Variants in WDR47 observed in about 807,000 individuals in gnomAD.
WDR47 encodes the protein WD repeat domain 47, also known as WD repeat-containing protein 47.
In WDR47, 32 loss-of-function variants were observed where a neutral mutation model predicts 97.2. The ratio of observed to expected loss-of-function variants is 0.33; its 90% CI spans 0.25 to 0.44. The LOEUF (loss-of-function observed/expected upper bound fraction) is 0.44. WDR47 is among the 20% of genes least tolerant of loss of function. WDR47 has a pLI of 1.00. For missense variants in WDR47, 782 were observed against 1,102.3 expected, an observed-to-expected ratio of 0.71 and a Z score of 4.11; for synonymous variants, 375 against 373.5, an observed-to-expected ratio of 1.00 and a Z score of -0.05.
At chr1:109,029,489 G>A (rs1338184763) in intron 1 of WDR47, among the ~76,000 whole-genome samples, 1 of 151,896 alleles carries the variant, frequency 6.6e-6, no homozygotes, top group East Asian at 1.9e-4. Context: ...ATAAAACCCT[G>A]TCTCTACTGA....
At chr1:109,041,379 C>G (rs1259422442) in intron 1 of WDR47, 1 of 152,306 alleles carries the variant, frequency 6.6e-6, no homozygotes, top group Non-Finnish European at 1.5e-5. Flanking sequence ...CCCAGCGGGG[C>G]TCCCAGCCCC....
At chr1:109,022,514 T>G (rs1429638286) in intron 2 of WDR47, among the ~76,000 whole-genome samples, 11 of 152,214 alleles carry the variant, frequency 7.2e-5, no homozygotes, top group Admixed American at 1.3e-4. Context: ...CTCTTGTTCT[T>G]TTTAACAGAC....
At position 108,995,691 on chromosome 1, in the gene WDR47, G is replaced by A. The variant is rs773189392; in HGVS notation, c.1580C>T (p.Ser527Phe). The A allele has an allele frequency of 5.6e-6, 9 of 1,614,006 alleles. No homozygotes were observed. The Admixed American group carries it at 6.7e-5, about 12-fold the overall frequency. Residue 527 changes from serine to phenylalanine, a missense_variant, in exon 8 of 15, where the codon TCT (serine) becomes TTT (phenylalanine). Ser to Phe is a radical substitution (Grantham distance 155). Coordinates refer to ENST00000369962, the MANE Select transcript of WDR47 (RefSeq NM_001142551.2). ...AGCATCATGTGTTAATCTCTGACTA[G>A]AGTCTTGGGGTGGTGTAGTAAAACT... The part of the protein sequence containing the change: ...VTSFTTPPQD[S>F]SQRLTHDASN...
chr1:109,026,357 T>A (rs906224576), intron 1 of WDR47, among the ~76,000 whole-genome samples: 17 of 152,036 alleles, frequency 1.1e-4, no homozygotes, highest in African/African-American at 3.4e-4. Flanking sequence ...ACCTTTTTTT[T>A]TTTTTCAGGT....
At chr1:108,977,896 A>T (rs1333719372) in intron 13 of WDR47, among the ~76,000 whole-genome samples, 1 of 151,928 alleles carries the variant, frequency 6.6e-6, no homozygotes, top group Non-Finnish European at 1.5e-5. Flanking sequence ...AGGCAGGAGA[A>T]TCACTTGAAC....
intron 9 of WDR47, among the ~76,000 whole-genome samples, chr1:108,990,954 G>A (rs556253666): frequency 1.3e-5 from 2 of 151,480 alleles, no homozygotes; most frequent in South Asian, 2.1e-4. Flanking sequence ...CTTGAGCCTC[G>A]AGATAAATAC....
At chr1:108,992,457 C>T (rs1244739007) in intron 8 of WDR47, 10 of 1,588,886 alleles carry the variant, frequency 6.3e-6, no homozygotes, top group African/African-American at 5.4e-5. Flanking sequence ...CAGTGTGTAC[C>T]ATTCCGACGT....
rs758134437 is a variant in WDR47 at position 108,974,692 on chromosome 1, C to T, written c.2461G>A (p.Asp821Asn). 6.2e-7 allele frequency: 1 copy of T among 1,613,962 alleles called. No homozygotes were observed. The highest frequency in any genetic ancestry group is 8.5e-7 in the Non-Finnish European group (1 of 1,179,998). The change falls in exon 14 of 15, where the codon GAT becomes AAT. Residue 821 changes from aspartate to asparagine, a missense_variant. Coordinates refer to ENST00000369962, the MANE Select transcript of WDR47 (RefSeq NM_001142551.2). Reference sequence around the variant, plus strand: ...ATGTCATACAACATGCAGCTAGAATCTTCTTGACCTGTGGCTAAGAGACGA... The same window carrying T: ...ATGTCATACAACATGCAGCTAGAATTTTCTTGACCTGTGGCTAAGAGACGA... ...SGRLLATGQE[D>N]SSCMLYDIRG...
chr1:108,980,439 C>G (rs1000943871), intron 13 of WDR47, among the ~76,000 whole-genome samples: 4 of 152,048 alleles, frequency 2.6e-5, no homozygotes, highest in Admixed American at 2.6e-4. Context: ...CTATTAAAAA[C>G]TACAAAGGAC....
In WDR47 at chr1:109,004,618, C is replaced by T; in HGVS notation, c.1228G>A (p.Gly410Arg). The T allele has an allele frequency of 6.2e-7, 1 of 1,613,238 alleles. No homozygotes were observed. The highest frequency in any genetic ancestry group is 8.5e-7 in the Non-Finnish European group (1 of 1,179,652). Residue 410 changes from glycine to arginine, a missense_variant, in exon 6 of 15, where the codon GGA becomes AGA. Gly to Arg is a moderately radical substitution (Grantham distance 125, BLOSUM62 -2). Around this residue, in one of 3 missense-constraint regions of WDR47, gnomAD observed 428 missense variants for 584.3 expected, o/e 0.73. Transcript: ENST00000369962. ...KEPANGAQNP[G>R]PAKQEKNELR... ...TCATTTTTTTCTTGTTTAGCTGGTCCTGGATTCTGTGCTCCATTTGCAGGC... is the reference window on the plus strand; with the variant it reads ...TCATTTTTTTCTTGTTTAGCTGGTCTTGGATTCTGTGCTCCATTTGCAGGC...
At chr1:109,018,340 T>C (rs898252431) in intron 2 of WDR47, among the ~76,000 whole-genome samples, 25 of 149,818 alleles carry the variant, frequency 1.7e-4, no homozygotes, top group Non-Finnish European at 2.4e-4. Flanking sequence ...TCCCAGCTAC[T>C]GGCAGGAGAA....
chr1:109,008,630 C>T (rs138108042), intron 5 of WDR47, among the ~76,000 whole-genome samples: 10,266 of 150,660 alleles, frequency 0.068, 472 homozygotes, highest in Middle Eastern at 0.14. Context: ...TTTTTTGAGA[C>T]GGAATCTCAC....
intron 5 of WDR47, among the ~76,000 whole-genome samples, chr1:109,008,663 A>G (rs1201692102): frequency 6.6e-6 from 1 of 152,024 alleles, no homozygotes; most frequent in African/African-American, 2.4e-5. Flanking sequence ...GCTGGAGTGC[A>G]GTGGTGCGAT....
chr1:108,981,438 A>G (rs1571143698), intron 13 of WDR47, among the ~76,000 whole-genome samples: 1 of 152,156 alleles, frequency 6.6e-6, no homozygotes, highest in East Asian at 1.9e-4. Context: ...ACTTTTTGCC[A>G]TGTGCATGCA....
At chr1:109,032,076 A>C (rs1246116525) in intron 1 of WDR47, among the ~76,000 whole-genome samples, 1 of 138,896 alleles carries the variant, frequency 7.2e-6, no homozygotes, top group Non-Finnish European at 1.6e-5. Flanking sequence ...CTGAGAACGC[A>C]GGCATAAGCA....
intron 1 of WDR47, among the ~76,000 whole-genome samples, chr1:109,038,911 G>A (rs755102620): frequency 3.9e-4 from 59 of 151,940 alleles, no homozygotes; most frequent in Middle Eastern, 3.2e-3. Context: ...CTTGGGAGGC[G>A]GAGGTTGCAG....
chr1:108,983,366 G>A lies in WDR47; in HGVS notation c.2011C>T (p.Pro671Ser), dbSNP rs1249746683. 24 of 1,612,946 alleles carry A rather than the reference G, an allele frequency of 1.5e-5. No individual in the cohort carries two copies. Among genetic ancestry groups the A allele is most frequent in the Non-Finnish European group, 1.9e-5 (23 of 1,179,548 alleles). ...CCTGTTGCTAATAACTGCCCACAAG[G>A]ACTCCAGGCCACACAGTAAATGGAT... is the stretch of plus-strand genomic sequence containing the variant. ...KGSIYCVAWS[P>S]CGQLLATGSN... Residue 671 changes from proline to serine, a missense_variant, in exon 11 of 15, where the codon CCT becomes TCT. Coordinates refer to ENST00000369962, the MANE Select transcript of WDR47 (RefSeq NM_001142551.2).
intron 13 of WDR47, among the ~76,000 whole-genome samples, chr1:108,979,125 G>A (rs1032380963): frequency 2.0e-5 from 3 of 152,018 alleles, no homozygotes; most frequent in African/African-American, 7.3e-5. Context: ...GAGAGGAGAC[G>A]ACCAAAAACT....
intron 2 of WDR47, among the ~76,000 whole-genome samples, chr1:109,019,625 C>G (rs771867929): frequency 4.3e-4 from 65 of 152,178 alleles, no homozygotes; most frequent in Admixed American, 2.2e-3. Flanking sequence ...CAAAGGACAA[C>G]CCTCCACAAC....
Sources: allele counts gnomAD v4.1 joint callset (sites outside exome capture counted in the v4.1 genomes callset), GRCh38; gene constraint gnomAD v4.1.1; regional missense constraint gnomAD v4.1.1; transcripts MANE v1.5; gene names NCBI Gene and HGNC (gene_info 2026-07-23, HGNC 2026-07-21).